AHCYL2: variants seen among roughly 807,000 people sequenced by gnomAD.
The protein encoded by AHCYL2 is S-adenosylhomocysteine hydrolase-like protein 2.
In AHCYL2, 28 loss-of-function variants were observed where a neutral mutation model predicts 81.4. That is an observed-to-expected ratio of 0.34 (90% CI 0.25 to 0.47). The LOEUF (loss-of-function observed/expected upper bound fraction) is 0.47. AHCYL2 is among the 20% of genes least tolerant of loss of function. The pLI is 1.00. For synonymous variants in AHCYL2, 272 were observed against 290.2 expected (o/e 0.94, Z 0.64); for missense variants, 551 against 785.1 (o/e 0.70, Z 3.56).
chr7:129,295,557 C>T (rs994191159), intron 1 of AHCYL2, among the ~76,000 whole-genome samples: 1 of 152,072 alleles, frequency 6.6e-6, no homozygotes, highest in African/African-American at 2.4e-5. Context: ...TTTCTCCACA[C>T]CTTTGTTAGT....
intron 1 of AHCYL2, among the ~76,000 whole-genome samples, chr7:129,342,579 G>T (rs1423844188): frequency 3.3e-5 from 5 of 152,208 alleles, no homozygotes; most frequent in South Asian, 2.1e-4. Context: ...ACTTAACAAG[G>T]GTTAATTATA....
At chr7:129,348,635 A>G (rs997648347) in intron 1 of AHCYL2, among the ~76,000 whole-genome samples, 1 of 152,234 alleles carries the variant, frequency 6.6e-6, no homozygotes, top group Non-Finnish European at 1.5e-5. Flanking sequence ...TGAGTCATGT[A>G]TATAATCTAA....
At chr7:129,404,427 A>G (rs1157877396) in intron 7 of AHCYL2, among the ~76,000 whole-genome samples, 2 of 152,214 alleles carry the variant, frequency 1.3e-5, no homozygotes, top group African/African-American at 4.8e-5. Flanking sequence ...CACTGCTTCA[A>G]TACATTATCA....
chr7:129,388,903 C>T, intron 2 of AHCYL2, 153 bp from the exon 3 acceptor site: 1 of 714,874 alleles, frequency 1.4e-6, no homozygotes, highest in Non-Finnish European at 2.2e-6. Flanking sequence ...CAGCTTCCCT[C>T]TTCTGGCATG....
At chr7:129,349,394 A>G (rs1584809509) in intron 1 of AHCYL2, among the ~76,000 whole-genome samples, 1 of 149,274 alleles carries the variant, frequency 6.7e-6, no homozygotes, top group East Asian at 2.0e-4. Context: ...AGCACTTGGG[A>G]AGGCTGAGGC....
At chr7:129,388,866 A>C in intron 2 of AHCYL2, 190 bp from the exon 3 acceptor site, 1 of 551,926 alleles carries the variant, frequency 1.8e-6, no homozygotes, top group Non-Finnish European at 3.1e-6. Context: ...AAGGCTATCC[A>C]GGAAGAATGT....
chr7:129,371,178 C>T (rs767671582), intron 1 of AHCYL2, among the ~76,000 whole-genome samples: 4 of 152,176 alleles, frequency 2.6e-5, no homozygotes, highest in Non-Finnish European at 4.4e-5. Flanking sequence ...TACTCATGTT[C>T]CCATTTACAT....
intron 1 of AHCYL2, among the ~76,000 whole-genome samples, chr7:129,299,896 C>G (rs1452926701): frequency 6.6e-6 from 1 of 152,126 alleles, no homozygotes; most frequent in Non-Finnish European, 1.5e-5. Context: ...AAGTTCAAAA[C>G]ACTGAAATAA....
chr7:129,409,623 T>C lies in AHCYL2; in HGVS notation c.1366+77T>C. 4 of 1,256,988 alleles carry C rather than the reference T, an allele frequency of 3.2e-6. No homozygotes were observed. In the South Asian group the frequency reaches 5.4e-5, roughly 17 times the overall value. The allele number at this position is 1,256,988 out of a possible 1,614,324, so 77.9% of individuals were successfully genotyped here. On this transcript the variant is annotated intron_variant, in intron 11 of 16. Transcript: ENST00000325006. ...GCAGGTGCAAGATGATTGGAAATAT[T>C]CTGAAAAACCAAACTCTAAAAGCTA... is the stretch of plus-strand genomic sequence containing the variant.
intron 1 of AHCYL2, among the ~76,000 whole-genome samples, chr7:129,275,103 C>T (rs540592106): frequency 1.3e-5 from 2 of 152,260 alleles, no homozygotes; most frequent in South Asian, 2.1e-4. Flanking sequence ...TGGAACATGG[C>T]CAGGCGCAGT....
At position 129,422,817 on chromosome 7, in the gene AHCYL2, T is replaced by C. The variant is rs186040643; in HGVS notation, c.1462-23T>C. On this transcript the variant is annotated intron_variant, in intron 12 of 16. Coordinates refer to ENST00000325006, the MANE Select transcript of AHCYL2 (RefSeq NM_015328.4). ...CAGTGGGGCTTGCTATGGCTAATGC[T>C]GTACTTGCTGTATGTGTTCCAGGCG... The C allele has an allele frequency of 2.6e-3, 4,119 of 1,608,824 alleles. 16 individuals are homozygous for C. The highest frequency in any genetic ancestry group is 3.1e-3 in the Non-Finnish European group (3,690 of 1,175,628).
At chr7:129,326,386 G>C (rs1257916077) in intron 1 of AHCYL2, among the ~76,000 whole-genome samples, 3 of 152,060 alleles carry the variant, frequency 2.0e-5, no homozygotes, top group Non-Finnish European at 4.4e-5. Context: ...AATTAGCCGG[G>C]CGTGGTGGCA....
chr7:129,421,412 C>T (rs1797114105), intron 12 of AHCYL2, among the ~76,000 whole-genome samples: 1 of 152,150 alleles, frequency 6.6e-6, no homozygotes, highest in South Asian at 2.1e-4. Context: ...TATTTATTTA[C>T]ATTTTTCACT....
At chr7:129,288,268 C>G (rs985256932) in intron 1 of AHCYL2, among the ~76,000 whole-genome samples, 1 of 151,910 alleles carries the variant, frequency 6.6e-6, no homozygotes, top group Non-Finnish European at 1.5e-5. Flanking sequence ...TTCCCTGAGT[C>G]TGAATTTTGC....
At chr7:129,349,651 CAAAAAAAA>C (rs34969591) in intron 1 of AHCYL2, among the ~76,000 whole-genome samples, 3 of 86,114 alleles carry the variant, frequency 3.5e-5, no homozygotes, top group African/African-American at 1.5e-4. Flanking sequence ...GACTCTGTTT[CAAAAAAAA>C]AAAAAAAAAA....
At position 129,227,195 on chromosome 7, in the gene AHCYL2, T is replaced by C. The variant is rs527695719; in HGVS notation, c.363+1756T>C. On this transcript the variant is annotated intron_variant, in intron 1 of 16. Coordinates refer to ENST00000325006, the MANE Select transcript of AHCYL2 (RefSeq NM_015328.4). Reference sequence around the variant, plus strand: ...AAGGTTTAGCATTGAGCTTGGCACATAAAGTCTTAAATGATATTCTTACTA... The same window carrying C: ...AAGGTTTAGCATTGAGCTTGGCACACAAAGTCTTAAATGATATTCTTACTA... Among the ~76,000 whole-genome samples, 11 of 152,282 alleles carry C rather than the reference T, an allele frequency of 7.2e-5. No individual in the cohort carries two copies. The East Asian group carries it at 2.1e-3, about 29-fold the overall frequency.
chr7:129,420,593 C>T (rs1457026559), intron 12 of AHCYL2, among the ~76,000 whole-genome samples: 8 of 151,696 alleles, frequency 5.3e-5, no homozygotes, highest in African/African-American at 1.9e-4. Flanking sequence ...ATTCCTCCCA[C>T]CTCAGCCTCC....
At chr7:129,252,866 T>C (rs1795290087) in intron 1 of AHCYL2, among the ~76,000 whole-genome samples, 1 of 152,058 alleles carries the variant, frequency 6.6e-6, no homozygotes, top group African/African-American at 2.4e-5. Flanking sequence ...CAAGTCTGTG[T>C]CCCACTTGAA....
At chr7:129,386,184 C>T (rs761139702) in intron 2 of AHCYL2, among the ~76,000 whole-genome samples, 3 of 151,894 alleles carry the variant, frequency 2.0e-5, no homozygotes, top group African/African-American at 4.8e-5. Flanking sequence ...TCTTTGAGGC[C>T]GGGCATGGTG....
Sources: gnomAD v4.1 joint callset for allele counts (sites outside exome capture counted in the v4.1 genomes callset) on GRCh38, gnomAD v4.1.1 for gene constraint, MANE v1.5 for transcripts, NCBI Gene and HGNC (gene_info 2026-07-23, HGNC 2026-07-21) for gene names.